The following ZC2HC1A variants were observed in gnomAD, a reference collection of about 807,000 sequenced individuals.
ZC2HC1A encodes zinc finger C2HC domain-containing protein 1A.
ZC2HC1A carries 28 observed loss-of-function variants against 40.7 expected under a neutral mutation model. The observed-to-expected ratio is 0.69, with a 90% confidence interval of 0.51 to 0.94. The LOEUF is 0.94. Ranked by LOEUF, ZC2HC1A falls within the 40% of genes least tolerant of loss-of-function variation. The probability of loss-of-function intolerance (pLI) is 0.00; values close to 1 mark genes in which losing one functional copy is unlikely to be tolerated. For synonymous variants in ZC2HC1A, 129 were observed against 129.2 expected, an observed-to-expected ratio of 1.00 and a Z score of 0.01; for missense variants, 389 against 386.3, an observed-to-expected ratio of 1.01 and a Z score of -0.06.
chr8:78,676,777 A>G (rs563469496), intron 2 of ZC2HC1A, among the ~76,000 whole-genome samples: 1 of 152,048 alleles, frequency 6.6e-6, no homozygotes, highest in South Asian at 2.1e-4. Flanking sequence ...TTTCTTATCA[A>G]TTTATTATTT....
Position 78,718,840 on chromosome 8 carries a change from G to T in ZC2HC1A, c.*1347G>T, listed in dbSNP as rs899960006. 1 of 151,328 alleles carries T rather than the reference G, an allele frequency of 6.6e-6. No homozygotes were observed. Among genetic ancestry groups the T allele is most frequent in the Non-Finnish European group, 1.5e-5 (1 of 67,586 alleles). The allele number at this position is 151,328 out of a possible 1,614,324, so 9.4% of individuals were successfully genotyped here. ...AGAGAGCTTTGATCTTACTGTAAAG[G>T]TACAAACAAATCTCTTATATAATTC... On this transcript the variant is annotated 3_prime_UTR_variant, in exon 9 of 9. Transcript: ENST00000263849.
At chr8:78,703,132 G>A (rs1343247452) in intron 7 of ZC2HC1A, among the ~76,000 whole-genome samples, 1 of 152,102 alleles carries the variant, frequency 6.6e-6, no homozygotes, top group African/African-American at 2.4e-5. Flanking sequence ...CCTAACCTCA[G>A]GTCATCTGCC....
chr8:78,705,165 G>A (rs991178431), intron 7 of ZC2HC1A, among the ~76,000 whole-genome samples: 4 of 152,204 alleles, frequency 2.6e-5, no homozygotes, highest in African/African-American at 4.8e-5. Context: ...TGTTGGAGAG[G>A]TGATGCGGTC....
At chr8:78,711,870 A>G (rs1164720977) in intron 7 of ZC2HC1A, 1 of 487,246 alleles carries the variant, frequency 2.1e-6, no homozygotes, top group Non-Finnish European at 3.5e-6. Flanking sequence ...TGACAGTCAG[A>G]TAAAATTAAG....
At chr8:78,689,169 T>C (rs1810124354) in intron 4 of ZC2HC1A, 53 bp from the exon 5 acceptor site, 3 of 1,298,998 alleles carry the variant, frequency 2.3e-6, no homozygotes, top group South Asian at 4.7e-5. Flanking sequence ...GATTTTTTAA[T>C]GTCCGTTTCA....
At chr8:78,711,542 T>G (rs1358252284) in intron 7 of ZC2HC1A, among the ~76,000 whole-genome samples, 1 of 152,142 alleles carries the variant, frequency 6.6e-6, no homozygotes, top group Non-Finnish European at 1.5e-5. Context: ...GAGTACATGT[T>G]ATTTAGTCAA....
At position 78,666,243 on chromosome 8, in the gene ZC2HC1A, A is replaced by G. The variant is rs375013682; in HGVS notation, c.16+79A>G. The G allele has an allele frequency of 1.4e-5, 22 of 1,546,030 alleles. No individual in the cohort carries two copies. The East Asian group carries it at 3.2e-4, about 22-fold the overall frequency. On this transcript the variant is annotated intron_variant, in intron 1 of 8. Coordinates refer to ENST00000263849, the MANE Select transcript of ZC2HC1A (RefSeq NM_016010.3). ...GGGGACCCTGGACACCAGTAGCAGGAAGGCGAGGGCTGGTTCGGTGCGGCG... is the reference window on the plus strand; with the variant it reads ...GGGGACCCTGGACACCAGTAGCAGGGAGGCGAGGGCTGGTTCGGTGCGGCG...
chr8:78,693,726 C>A lies in ZC2HC1A; in HGVS notation c.505-3681C>A, dbSNP rs562505504. Among the ~76,000 whole-genome samples the A allele has an allele frequency of 1.6e-4, 24 of 152,238 alleles. No individual in the cohort carries two copies. In the South Asian group the frequency reaches 5.0e-3, roughly 32 times the overall value. ...TAGTTTCTTCTGCTGTGCAGAAGCTCTTTAGTTGAATTAGATCCCATTTGT... is the reference window on the plus strand; with the variant it reads ...TAGTTTCTTCTGCTGTGCAGAAGCTATTTAGTTGAATTAGATCCCATTTGT... On this transcript the variant is annotated intron_variant, in intron 5 of 8. Coordinates refer to ENST00000263849, the MANE Select transcript of ZC2HC1A (RefSeq NM_016010.3).
Position 78,666,148 on chromosome 8 carries a change from G to A in ZC2HC1A, c.-1G>A, listed in dbSNP as rs1213989955. The A allele has an allele frequency of 1.9e-6, 3 of 1,573,204 alleles. No individual in the cohort carries two copies. Among genetic ancestry groups the A allele is most frequent in the Non-Finnish European group, 2.6e-6 (3 of 1,159,452 alleles). ...CTCGCTGAGCTCGAGGAGGTGGCGCGATGGAGGGACTGGAAGGTGAGGCGA... is the reference window on the plus strand; with the variant it reads ...CTCGCTGAGCTCGAGGAGGTGGCGCAATGGAGGGACTGGAAGGTGAGGCGA... On this transcript the variant is annotated 5_prime_UTR_variant, in exon 1 of 9. Coordinates refer to ENST00000263849, the MANE Select transcript of ZC2HC1A (RefSeq NM_016010.3).
At chr8:78,705,021 C>G (rs1007850578) in intron 7 of ZC2HC1A, among the ~76,000 whole-genome samples, 1 of 152,104 alleles carries the variant, frequency 6.6e-6, no homozygotes, top group Non-Finnish European at 1.5e-5. Context: ...TGATTTTTAG[C>G]TTCCTTTCAT....
At position 78,719,204 on chromosome 8, in the gene ZC2HC1A, C is replaced by G. The variant is rs921518617; in HGVS notation, c.*1711C>G. 11 of 148,262 alleles carry G rather than the reference C, an allele frequency of 7.4e-5. No homozygotes were observed. The highest frequency in any genetic ancestry group is 4.8e-4 in the Admixed American group (7 of 14,538). The allele number at this position is 148,262 out of a possible 1,614,324, so 9.2% of individuals were successfully genotyped here. ...ATAAAGAACTTTAAACTTGTTTTAT[C>G]TAATACTGAGCACTGTTTTTTTGTC... On this transcript the variant is annotated 3_prime_UTR_variant, in exon 9 of 9. Coordinates refer to ENST00000263849, the MANE Select transcript of ZC2HC1A (RefSeq NM_016010.3).
chr8:78,675,923 T>C, intron 2 of ZC2HC1A, 60 bp downstream of exon 2: 1 of 1,443,902 alleles, frequency 6.9e-7, no homozygotes, highest in South Asian at 1.2e-5. Flanking sequence ...TCAATAATTC[T>C]GGTCAATTCT....
chr8:78,693,278 C>T (rs1053831177), intron 5 of ZC2HC1A, among the ~76,000 whole-genome samples: 1 of 151,848 alleles, frequency 6.6e-6, no homozygotes, highest in African/African-American at 2.4e-5. Flanking sequence ...AATGGTATTT[C>T]TAGTTCTAGA....
At position 78,707,617 on chromosome 8, in the gene ZC2HC1A, A is replaced by G. The variant is rs986416195; in HGVS notation, c.705-7604A>G. Among the ~76,000 whole-genome samples the G allele has an allele frequency of 3.3e-5, 5 of 152,350 alleles. No individual in the cohort carries two copies. In the South Asian group the frequency reaches 1.0e-3, roughly 32 times the overall value. On this transcript the variant is annotated intron_variant, in intron 7 of 8. Coordinates refer to ENST00000263849, the MANE Select transcript of ZC2HC1A (RefSeq NM_016010.3). The stretch of plus-strand genomic sequence containing the variant: ...TTATGATGAATGCCATGAAGAATAC[A>G]TATTTTTTGGCTATCCCACATCATA...
intron 8 of ZC2HC1A, among the ~76,000 whole-genome samples, chr8:78,716,411 C>T (rs1811104811): frequency 6.6e-6 from 1 of 152,116 alleles, no homozygotes; most frequent in Admixed American, 6.5e-5. Context: ...GTGTGAGCCA[C>T]CGCACCCGGC....
intron 5 of ZC2HC1A, among the ~76,000 whole-genome samples, chr8:78,694,127 C>A (rs540708268): frequency 3.3e-5 from 5 of 151,944 alleles, no homozygotes; most frequent in Non-Finnish European, 7.4e-5. Context: ...TTGCAGTTGG[C>A]TGGCTATTTT....
intron 5 of ZC2HC1A, among the ~76,000 whole-genome samples, chr8:78,694,187 AGTT>A (rs770946951): frequency 7.9e-5 from 12 of 151,408 alleles, no homozygotes; most frequent in Non-Finnish European, 1.8e-4. Flanking sequence ...ATATTTTCAT[AGTT>A]GTCTGCTATT....
chr8:78,706,991 T>A (rs1810794081), intron 7 of ZC2HC1A, among the ~76,000 whole-genome samples: 1 of 152,026 alleles, frequency 6.6e-6, no homozygotes, highest in Admixed American at 6.6e-5. Context: ...TATCAGTAGA[T>A]CAGGTAGTTG....
intron 7 of ZC2HC1A, among the ~76,000 whole-genome samples, chr8:78,710,042 T>A (rs1308078259): frequency 1.3e-5 from 2 of 152,178 alleles, no homozygotes; most frequent in Non-Finnish European, 2.9e-5. Context: ...AGTAAATGAC[T>A]TTTCCTATGT....
Sources: gnomAD v4.1 joint callset for allele counts (sites outside exome capture counted in the v4.1 genomes callset) on GRCh38, gnomAD v4.1.1 for gene constraint, MANE v1.5 for transcripts, NCBI Gene and HGNC (gene_info 2026-07-23, HGNC 2026-07-21) for gene names.